DIAPH3: variants seen among roughly 807,000 people sequenced by gnomAD.
DIAPH3 encodes the protein protein diaphanous homolog 3.
In DIAPH3, 117 loss-of-function variants were observed where a neutral mutation model predicts 144.3. That is an observed-to-expected ratio of 0.81 (90% CI 0.70 to 0.95). DIAPH3 has a LOEUF of 0.95. Among genes scored for constraint, DIAPH3 ranks in the 40% least tolerant of loss-of-function variants. The pLI, the probability that DIAPH3 is intolerant of heterozygous loss-of-function variation, is 0.00. For missense variants in DIAPH3, 1,421 were observed against 1,412.7 expected (o/e 1.01, Z -0.09); for synonymous variants, 519 against 488.9 (o/e 1.06, Z -0.81).
intron 25 of DIAPH3, among the ~76,000 whole-genome samples, chr13:59,790,937 G>C (rs1001042261): frequency 6.6e-6 from 1 of 152,048 alleles, no homozygotes; most frequent in African/African-American, 2.4e-5. Flanking sequence ...GCTGATATTA[G>C]GTAACTTTGA....
At chr13:59,897,988 G>A (rs553222931) in intron 20 of DIAPH3, among the ~76,000 whole-genome samples, 2 of 151,340 alleles carry the variant, frequency 1.3e-5, no homozygotes, top group Non-Finnish European at 3.0e-5. Flanking sequence ...AAAAAAATTA[G>A]CCAGGCATGG....
intron 2 of DIAPH3, among the ~76,000 whole-genome samples, chr13:60,114,673 A>AC (rs374426530): frequency 6.7e-5 from 10 of 150,152 alleles, no homozygotes; most frequent in Non-Finnish European, 4.5e-5. Context: ...ACACACACAC[A>AC]AACACACACA....
chr13:59,864,588 C>T (rs58743883), intron 21 of DIAPH3, among the ~76,000 whole-genome samples: 8,774 of 152,020 alleles, frequency 0.058, 301 homozygotes, highest in Admixed American at 0.1. Flanking sequence ...ATCTCAATGA[C>T]GGAAGAACAA....
intron 9 of DIAPH3, among the ~76,000 whole-genome samples, chr13:59,993,712 A>AC (rs1476937084): frequency 6.7e-6 from 1 of 149,908 alleles, no homozygotes; most frequent in African/African-American, 2.4e-5. Flanking sequence ...TAAAAAAAAA[A>AC]AAAAAAAAAA....
At chr13:59,883,826 G>A (rs189332048) in intron 20 of DIAPH3, among the ~76,000 whole-genome samples, 267 of 151,982 alleles carry the variant, frequency 1.8e-3, no homozygotes, top group African/African-American at 6.0e-3. Flanking sequence ...TTTCTTCACA[G>A]TAGTTATCAA....
intron 2 of DIAPH3, among the ~76,000 whole-genome samples, chr13:60,131,520 G>C (rs1014855198): frequency 4.0e-5 from 6 of 150,060 alleles, no homozygotes; most frequent in Non-Finnish European, 8.9e-5. Flanking sequence ...TATGGTAAGC[G>C]AAATAAGTGA....
intron 24 of DIAPH3, among the ~76,000 whole-genome samples, chr13:59,812,562 C>T (rs1487113018): frequency 3.3e-5 from 5 of 152,068 alleles, no homozygotes; most frequent in African/African-American, 1.2e-4. Flanking sequence ...TGAGGGGTTA[C>T]TTTACATTAG....
chr13:59,909,849 T>C (rs924508835), intron 20 of DIAPH3, among the ~76,000 whole-genome samples: 1 of 152,226 alleles, frequency 6.6e-6, no homozygotes, highest in African/African-American at 2.4e-5. Context: ...CATTGGTATC[T>C]GGGAATCCAG....
At chr13:59,679,643 C>T (rs1201158367) in intron 27 of DIAPH3, among the ~76,000 whole-genome samples, 1 of 152,220 alleles carries the variant, frequency 6.6e-6, no homozygotes, top group African/African-American at 2.4e-5. Flanking sequence ...GTTAGTTGTT[C>T]CATTTCACAT....
At chr13:59,683,410 G>C (rs2033048164) in intron 27 of DIAPH3, among the ~76,000 whole-genome samples, 1 of 152,190 alleles carries the variant, frequency 6.6e-6, no homozygotes, top group African/African-American at 2.4e-5. Flanking sequence ...AATACATAGA[G>C]CTGGGGGTGG....
chr13:60,025,581 G>A (rs2054324672), intron 5 of DIAPH3, among the ~76,000 whole-genome samples: 1 of 151,528 alleles, frequency 6.6e-6, no homozygotes, highest in Non-Finnish European at 1.5e-5. Flanking sequence ...CCAAAGGAAA[G>A]AAGAAGTTTC....
intron 25 of DIAPH3, among the ~76,000 whole-genome samples, chr13:59,799,668 G>A (rs538441563): frequency 1.3e-5 from 2 of 152,272 alleles, no homozygotes; most frequent in South Asian, 4.1e-4. Flanking sequence ...CAGTTGAGGA[G>A]TTTTTGTCCC....
At chr13:60,052,959 T>TAAAAAAAAAAAAAAAAAAAAAAAAA (rs559991017) in intron 4 of DIAPH3, among the ~76,000 whole-genome samples, 68 of 40,620 alleles carry the variant, frequency 1.7e-3, no homozygotes, top group Admixed American at 3.0e-3. Flanking sequence ...GACTCCCTCT[T>TAAAAAAAAAAAAAAAAAAAAAAAAA]AAAAAAAAAA....
chr13:60,162,605 T>C (rs1952344823), intron 1 of DIAPH3, among the ~76,000 whole-genome samples: 1 of 152,184 alleles, frequency 6.6e-6, no homozygotes, highest in African/African-American at 2.4e-5. Context: ...CTGTTTCTCA[T>C]TTTCAGTATT....
intron 1 of DIAPH3, among the ~76,000 whole-genome samples, chr13:60,152,229 T>C (rs1048236285): frequency 2.6e-5 from 4 of 152,142 alleles, no homozygotes; most frequent in Admixed American, 6.5e-5. Flanking sequence ...CAAGAAATTC[T>C]ACACCATAAC....
intron 4 of DIAPH3, among the ~76,000 whole-genome samples, chr13:60,063,927 C>A (rs73218510): frequency 0.037 from 5,662 of 151,164 alleles, 169 homozygotes; most frequent in East Asian, 0.1. Context: ...AAACCCCCAA[C>A]TCAAAAAAAA....
intron 4 of DIAPH3, among the ~76,000 whole-genome samples, chr13:60,049,586 G>A (rs2056239774): frequency 6.6e-6 from 1 of 152,206 alleles, no homozygotes; most frequent in Admixed American, 6.5e-5. Flanking sequence ...CCTCTCGTGA[G>A]CCACGCAATG....
chr13:60,103,739 A>G (rs1308731442), intron 3 of DIAPH3, among the ~76,000 whole-genome samples: 1 of 152,250 alleles, frequency 6.6e-6, no homozygotes, highest in Admixed American at 6.5e-5. Context: ...TTATATTATT[A>G]AAGCCACAAA....
intron 22 of DIAPH3, among the ~76,000 whole-genome samples, chr13:59,858,592 A>G (rs1047246941): frequency 1.3e-5 from 2 of 152,144 alleles, no homozygotes; most frequent in Non-Finnish European, 2.9e-5. Flanking sequence ...TAATATACTC[A>G]CCAACAAAAA....
Sources: gnomAD v4.1 joint callset for allele counts (sites outside exome capture counted in the v4.1 genomes callset) on GRCh38, gnomAD v4.1.1 for gene constraint, MANE v1.5 for transcripts, NCBI Gene and HGNC (gene_info 2026-07-23, HGNC 2026-07-21) for gene names.